The following TMEM230 variants were observed in gnomAD, a reference collection of about 807,000 sequenced individuals.
The protein encoded by TMEM230 is transmembrane protein 230, also known as UPF0414 transmembrane protein C20orf30.
A neutral mutation model predicts 15.8 loss-of-function variants in TMEM230; 10 were observed. The observed-to-expected ratio is 0.63, with a 90% CI of 0.39 to 1.07. The LOEUF is 1.07. Among genes scored for constraint, TMEM230 ranks in the 50% least tolerant of loss-of-function variants. The pLI is 0.01. For synonymous variants in TMEM230, 67 were observed against 76.9 expected (o/e 0.87, Z 0.68); for missense variants, 165 against 193.3 (o/e 0.85, Z 0.87).
At chr20:5,065,042 T>A (rs1328198595), downstream of TMEM230, among the ~76,000 whole-genome samples, 2 of 152,030 alleles carry the variant, frequency 1.3e-5, no homozygotes, top group African/African-American at 4.8e-5. Flanking sequence ...TATCTTTTTT[T>A]TTCCATGAAT....
chr20:5,075,066 C>CT (rs35746212), intron 3 of TMEM230, among the ~76,000 whole-genome samples: 2,212 of 139,116 alleles, frequency 0.016, 34 homozygotes, highest in African/African-American at 0.038. Context: ...TAAAGTGGTA[C>CT]TTTTTTTTTT....
intron 4 of TMEM230, among the ~76,000 whole-genome samples, chr20:5,104,715 T>C (rs901753505): frequency 1.3e-5 from 2 of 152,186 alleles, no homozygotes; most frequent in Non-Finnish European, 2.9e-5. Flanking sequence ...ATCCTGTCAC[T>C]TGCAACAACA....
At chr20:5,098,803 T>TG (rs911664998), downstream of TMEM230, among the ~76,000 whole-genome samples, 1,168 of 150,634 alleles carry the variant, frequency 7.8e-3, 13 homozygotes, top group African/African-American at 0.02. Context: ...AAAATAGAAT[T>TG]GGGGGGGGGA....
chr20:5,071,914 C>T (rs1426302121), intron 3 of TMEM230, among the ~76,000 whole-genome samples: 1 of 151,974 alleles, frequency 6.6e-6, no homozygotes, highest in Admixed American at 6.6e-5. Flanking sequence ...CCACACCCAG[C>T]TAATTTTTGT....
chr20:5,095,553 T>C (rs1263469466), downstream of TMEM230, among the ~76,000 whole-genome samples: 4 of 152,148 alleles, frequency 2.6e-5, no homozygotes, highest in South Asian at 2.1e-4. Context: ...TAGAGAATAA[T>C]AGTGGATCAA....
intron 3 of TMEM230, among the ~76,000 whole-genome samples, chr20:5,070,869 C>T (rs1009957958): frequency 3.3e-5 from 5 of 152,124 alleles, no homozygotes; most frequent in African/African-American, 9.7e-5. Context: ...TGCACTCAAG[C>T]GATCCTCTCA....
the TMEM230 span, among the ~76,000 whole-genome samples, chr20:5,062,746 GA>G: frequency 2.6e-5 from 4 of 152,192 alleles, no homozygotes; most frequent in Admixed American, 6.5e-5. Context: ...CTGGGAAACA[GA>G]GTGAGACCCT....
At chr20:5,095,217 C>T (rs541781940), downstream of TMEM230, among the ~76,000 whole-genome samples, 10 of 152,240 alleles carry the variant, frequency 6.6e-5, no homozygotes, top group Middle Eastern at 0.01. Context: ...AATGAAAGAA[C>T]GGAGGCATTA....
chr20:5,100,472 A>C lies in TMEM230; in HGVS notation c.*319T>G. On this transcript the variant is annotated 3_prime_UTR_variant, in exon 5 of 5. Transcript: ENST00000342308. Reference sequence around the variant, plus strand: ...CTACAAGAACAAATTGGCAATGAAGACTATTTAAAAGAAATGCTCAGCTCT... The same window carrying C: ...CTACAAGAACAAATTGGCAATGAAGCCTATTTAAAAGAAATGCTCAGCTCT... 9.5e-7 allele frequency: 1 copy of C among 1,047,322 alleles called. No individual in the cohort carries two copies. The highest frequency in any genetic ancestry group is 1.2e-6 in the Non-Finnish European group (1 of 868,044). 64.9% of individuals were successfully genotyped at this position (1,047,322 alleles called of 1,614,324 possible). A position where few individuals can be genotyped will look rare whatever the true frequency, so the allele number is the denominator to read the frequency against.
chr20:5,084,562 T>A lies in TMEM230; in HGVS notation c.223-15213A>T, dbSNP rs371081911. Among the ~76,000 whole-genome samples, 184 of 151,736 alleles carry A rather than the reference T, an allele frequency of 1.2e-3. 1 individual carries two copies. Among genetic ancestry groups the A allele is most frequent in the African/African-American group, 4.3e-3 (177 of 41,340 alleles). Reference sequence around the variant, plus strand: ...ATTATTATTGTTTTTTGAGATGGAGTCTTGCTCTGTTGCCCAGGCTGGAGT... The same window carrying A: ...ATTATTATTGTTTTTTGAGATGGAGACTTGCTCTGTTGCCCAGGCTGGAGT... On this transcript the variant is annotated intron_variant, in intron 3 of 3. Coordinates refer to the TMEM230 transcript ENST00000612323.
downstream of TMEM230, among the ~76,000 whole-genome samples, chr20:5,099,208 A>C (rs189848518): frequency 1.6e-4 from 12 of 74,524 alleles, no homozygotes; most frequent in African/African-American, 7.0e-4. Flanking sequence ...ATAAATAAAT[A>C]AATAAATAAA....
chr20:5,102,299 T>C (rs1276855748), intron 4 of TMEM230, among the ~76,000 whole-genome samples: 5 of 152,070 alleles, frequency 3.3e-5, no homozygotes, highest in Admixed American at 2.0e-4. Flanking sequence ...AAAACCTGAA[T>C]AGACAAAGAG....
exon 4 of TMEM230, chr20:5,068,958 C>A (rs1287799389): frequency 1.0e-5 from 5 of 487,686 alleles, no homozygotes; most frequent in African/African-American, 9.9e-5. Flanking sequence ...GTGGTCTGCG[C>A]CATTCTCACC....
chr20:5,104,442 T>C (rs1345326440), intron 4 of TMEM230, among the ~76,000 whole-genome samples: 3 of 152,156 alleles, frequency 2.0e-5, no homozygotes, highest in African/African-American at 7.2e-5. Context: ...ACAATGTTGA[T>C]GGGAATGTAA....
downstream of TMEM230, among the ~76,000 whole-genome samples, chr20:5,099,448 C>CT (rs1383262531): frequency 6.6e-6 from 1 of 151,656 alleles, no homozygotes; most frequent in African/African-American, 2.4e-5. Flanking sequence ...TCAGGTCACC[C>CT]TCTCTTTGTC....
chr20:5,104,385 G>A (rs1268900852), intron 4 of TMEM230, among the ~76,000 whole-genome samples: 1 of 152,146 alleles, frequency 6.6e-6, no homozygotes, highest in Non-Finnish European at 1.5e-5. Context: ...CAAAAAAAAC[G>A]GCAATAACGA....
intron 1 of TMEM230, among the ~76,000 whole-genome samples, chr20:5,112,499 G>A (rs950005676): frequency 1.3e-5 from 2 of 152,130 alleles, no homozygotes; most frequent in Non-Finnish European, 2.9e-5. Flanking sequence ...ACAATACATC[G>A]CAGGGGCGTG....
chr20:5,086,369 C>T (rs1278530159), intron 3 of TMEM230, among the ~76,000 whole-genome samples: 3 of 151,632 alleles, frequency 2.0e-5, no homozygotes, highest in African/African-American at 7.3e-5. Flanking sequence ...GAAGCCCCAT[C>T]TCTACTAAAA....
chr20:5,092,325 T>C (rs890070925), intron 3 of TMEM230, among the ~76,000 whole-genome samples: 12 of 152,218 alleles, frequency 7.9e-5, no homozygotes, highest in Non-Finnish European at 1.8e-4. Context: ...GCTTTTGGTC[T>C]CACTGTGGTT....
Sources: gnomAD v4.1 joint callset for allele counts (sites outside exome capture counted in the v4.1 genomes callset) on GRCh38, gnomAD v4.1.1 for gene constraint, MANE v1.5 for transcripts, NCBI Gene and HGNC (gene_info 2026-07-23, HGNC 2026-07-21) for gene names.